VWA3B: variants seen among roughly 807,000 people sequenced by gnomAD.
VWA3B encodes von Willebrand factor A domain containing 3B, also known as von Willebrand factor A domain-containing protein 3B.
VWA3B carries 138 observed loss-of-function variants against 158.3 expected under a neutral mutation model. The observed-to-expected ratio is 0.87, with a 90% confidence interval of 0.76 to 1.00. The LOEUF (loss-of-function observed/expected upper bound fraction) is 1.00. Among genes scored for constraint, VWA3B ranks in the 50% least tolerant of loss-of-function variants. The probability of loss-of-function intolerance (pLI) is 0.00; values close to 1 mark genes in which losing one functional copy is unlikely to be tolerated. For missense variants in VWA3B, 1,555 were observed against 1,565.1 expected, an observed-to-expected ratio of 0.99 and a Z score of 0.11; for synonymous variants, 596 against 587.3, an observed-to-expected ratio of 1.01 and a Z score of -0.21.
chr2:98,119,139 T>C (rs531758343), intron 3 of VWA3B, among the ~76,000 whole-genome samples: 38 of 152,254 alleles, frequency 2.5e-4, no homozygotes, highest in Non-Finnish European at 4.6e-4. Context: ...TGGAATGTTA[T>C]GTTTAGGAAA....
rs537263788 is a variant in VWA3B at position 98,172,490 on chromosome 2, G to T, written c.1115-8526G>T. 6.6e-5 allele frequency among the ~76,000 whole-genome samples: 10 copies of T among 152,332 alleles called. No homozygotes were observed. The South Asian group carries it at 1.2e-3, about 19-fold the overall frequency. ...ACAGAATGGGGGCGTGACAGGCCAG[G>T]TTGGTCTTGGGAAATGCAACATTTG... On this transcript the variant is annotated intron_variant, in intron 8 of 27. Coordinates refer to ENST00000477737, the MANE Select transcript of VWA3B (RefSeq NM_144992.5).
intron 3 of VWA3B, 60 bp downstream of exon 3, chr2:98,115,806 A>C (rs899018898): frequency 1.4e-5 from 20 of 1,392,810 alleles, no homozygotes; most frequent in Non-Finnish European, 1.8e-5. Flanking sequence ...CACATCGGAG[A>C]GTGCAGTGTG....
intron 5 of VWA3B, among the ~76,000 whole-genome samples, chr2:98,124,953 A>G (rs1200844927): frequency 6.6e-6 from 1 of 152,224 alleles, no homozygotes; most frequent in Admixed American, 6.5e-5. Flanking sequence ...TCCCTACTTG[A>G]TGTCATATGA....
At chr2:98,200,193 G>C (rs62154931) in intron 12 of VWA3B, among the ~76,000 whole-genome samples, 6,692 of 152,090 alleles carry the variant, frequency 0.044, 226 homozygotes, top group Non-Finnish European at 0.069. Flanking sequence ...TTTTTTAATT[G>C]AGTTGTTTGT....
intron 2 of VWA3B, among the ~76,000 whole-genome samples, chr2:98,095,069 G>A (rs1682621958): frequency 6.6e-6 from 1 of 152,002 alleles, no homozygotes; most frequent in South Asian, 2.1e-4. Context: ...ATGCCTCCAG[G>A]TTTGTTCTTT....
intron 8 of VWA3B, among the ~76,000 whole-genome samples, chr2:98,171,244 C>T (rs2105296599): frequency 6.6e-6 from 1 of 152,232 alleles, no homozygotes; most frequent in Non-Finnish European, 1.5e-5. Context: ...CTACATGAAC[C>T]ATCTCTTGCT....
chr2:98,238,748 G>A (rs1255456197), intron 19 of VWA3B, among the ~76,000 whole-genome samples: 1 of 152,112 alleles, frequency 6.6e-6, no homozygotes, highest in African/African-American at 2.4e-5. Flanking sequence ...CAGACAAAAA[G>A]GGCCATAGGA....
chr2:98,213,628 C>T (rs936146275), intron 13 of VWA3B, among the ~76,000 whole-genome samples: 10 of 152,062 alleles, frequency 6.6e-5, no homozygotes, highest in Non-Finnish European at 1.2e-4. Context: ...TTGATATTAA[C>T]GGATTGAAAT....
intron 22 of VWA3B, among the ~76,000 whole-genome samples, chr2:98,272,545 G>A (rs569234433): frequency 2.0e-5 from 3 of 152,058 alleles, no homozygotes; most frequent in Non-Finnish European, 4.4e-5. Context: ...CTTACCTTCA[G>A]CCCCTCTCCC....
chr2:98,330,200 T>C, the VWA3B span, among the ~76,000 whole-genome samples: 2 of 152,122 alleles, frequency 1.3e-5, no homozygotes, highest in Non-Finnish European at 2.9e-5. Flanking sequence ...CATCAGACAT[T>C]TGCTTACACC....
At chr2:98,258,893 G>A (rs1441287858) in intron 21 of VWA3B, among the ~76,000 whole-genome samples, 1 of 151,738 alleles carries the variant, frequency 6.6e-6, no homozygotes, top group African/African-American at 2.4e-5. Flanking sequence ...GAAAGGGGAC[G>A]TTCTTGTCTT....
intron 7 of VWA3B, among the ~76,000 whole-genome samples, chr2:98,146,980 A>G (rs1167888228): frequency 2.0e-5 from 3 of 152,344 alleles, no homozygotes; most frequent in East Asian, 3.9e-4. Context: ...TGTGGCATAC[A>G]TTATGTTGCC....
chr2:98,176,748 C>G (rs1048155631), intron 8 of VWA3B, among the ~76,000 whole-genome samples: 1 of 152,188 alleles, frequency 6.6e-6, no homozygotes, highest in African/African-American at 2.4e-5. Flanking sequence ...GCCCATTCCC[C>G]TAAGAAAGTC....
At chr2:98,160,548 G>A (rs1678490142) in intron 7 of VWA3B, among the ~76,000 whole-genome samples, 1 of 152,142 alleles carries the variant, frequency 6.6e-6, no homozygotes, top group South Asian at 2.1e-4. Flanking sequence ...GGTTTCCTCG[G>A]AACTTTCTCC....
intron 13 of VWA3B, chr2:98,217,095 C>A: frequency 1.5e-6 from 1 of 680,796 alleles, no homozygotes; most frequent in Admixed American, 3.1e-5. Flanking sequence ...CCCTCAATGG[C>A]AGAGGGAGCT....
intron 7 of VWA3B, among the ~76,000 whole-genome samples, chr2:98,155,768 G>T (rs1220787650): frequency 1.3e-5 from 2 of 152,174 alleles, no homozygotes; most frequent in African/African-American, 2.4e-5. Flanking sequence ...GGAAGATGGT[G>T]TCGGGGGTTC....
At chr2:98,261,935 C>T (rs148244530) in intron 21 of VWA3B, among the ~76,000 whole-genome samples, 246 of 151,876 alleles carry the variant, frequency 1.6e-3, no homozygotes, top group South Asian at 3.1e-3. Flanking sequence ...TTCTCCACAT[C>T]CTTGGCAACA....
At chr2:98,285,305 G>A (rs1021737128) in intron 22 of VWA3B, among the ~76,000 whole-genome samples, 1 of 151,982 alleles carries the variant, frequency 6.6e-6, no homozygotes, top group African/African-American at 2.4e-5. Flanking sequence ...CCATTGTATG[G>A]ATATACCACA....
intron 7 of VWA3B, among the ~76,000 whole-genome samples, chr2:98,155,309 C>T (rs996708320): frequency 2.6e-5 from 4 of 152,092 alleles, no homozygotes; most frequent in African/African-American, 9.7e-5. Context: ...TCTATAAGCC[C>T]CTTGAAGGAA....
Sources: gnomAD v4.1 joint callset for allele counts (sites outside exome capture counted in the v4.1 genomes callset) on GRCh38, gnomAD v4.1.1 for gene constraint, MANE v1.5 for transcripts, NCBI Gene and HGNC (gene_info 2026-07-23, HGNC 2026-07-21) for gene names.